MAST4: variants seen among roughly 807,000 people sequenced by gnomAD.
The protein encoded by MAST4 is microtubule associated serine/threonine kinase family member 4, also known as microtubule-associated serine/threonine-protein kinase 4.
A neutral mutation model predicts 162.7 loss-of-function variants in MAST4; 89 were observed. The ratio of observed to expected loss-of-function variants is 0.55; its 90% CI spans 0.46 to 0.65. The LOEUF (loss-of-function observed/expected upper bound fraction) is 0.65. MAST4 is among the 30% of genes least tolerant of loss of function. MAST4 has a pLI of 0.00. For synonymous variants in MAST4, 1,479 were observed against 1,361.1 expected, an observed-to-expected ratio of 1.09 and a Z score of -1.91; for missense variants, 3,153 against 3,374.0, an observed-to-expected ratio of 0.93 and a Z score of 1.62.
chr5:66,655,289 T>C (rs1746475403), intron 1 of MAST4, among the ~76,000 whole-genome samples: 1 of 152,154 alleles, frequency 6.6e-6, no homozygotes, highest in Non-Finnish European at 1.5e-5. Context: ...ATGAATAAGT[T>C]TAAGCATATT....
chr5:66,932,156 T>C (rs1742258625), intron 4 of MAST4, among the ~76,000 whole-genome samples: 1 of 152,118 alleles, frequency 6.6e-6, no homozygotes, highest in African/African-American at 2.4e-5. Flanking sequence ...TGAGGATGAG[T>C]AGGTAAAAAG....
intron 5 of MAST4, among the ~76,000 whole-genome samples, chr5:67,074,040 G>A (rs1761288435): frequency 6.6e-6 from 1 of 151,630 alleles, no homozygotes; most frequent in Non-Finnish European, 1.5e-5. Context: ...AATAACTTAG[G>A]ACATATCTAC....
intron 4 of MAST4, among the ~76,000 whole-genome samples, chr5:66,993,920 A>ACCCCCCCCCC (rs55759396): frequency 5.5e-4 from 32 of 57,718 alleles, no homozygotes; most frequent in Non-Finnish European, 7.5e-4. Context: ...TGTGCAGAAG[A>ACCCCCCCCCC]CCCCCCCCCC....
intron 14 of MAST4, among the ~76,000 whole-genome samples, chr5:67,129,185 GCC>G (rs1193096503): frequency 1.3e-5 from 2 of 152,138 alleles, no homozygotes; most frequent in African/African-American, 4.8e-5. Context: ...TCCATCGTTG[GCC>G]CGCTCTTATG....
chr5:66,855,162 G>T (rs1162756698), intron 3 of MAST4, among the ~76,000 whole-genome samples: 1 of 152,092 alleles, frequency 6.6e-6, no homozygotes, highest in Non-Finnish European at 1.5e-5. Context: ...TTGTGGGGTG[G>T]GATCCCTCAT....
At chr5:66,817,034 G>A (rs764941926) in intron 3 of MAST4, among the ~76,000 whole-genome samples, 10 of 151,952 alleles carry the variant, frequency 6.6e-5, no homozygotes, top group Non-Finnish European at 1.3e-4. Context: ...TCCCTTCCTC[G>A]GTGCTTCTGC....
chr5:66,862,041 C>A (rs73765343), intron 3 of MAST4, among the ~76,000 whole-genome samples: 1 of 152,128 alleles, frequency 6.6e-6, no homozygotes, highest in Non-Finnish European at 1.5e-5. Flanking sequence ...TCCTTTCCTG[C>A]GACCCTGGCC....
At chr5:66,683,696 T>G (rs1748468199) in intron 1 of MAST4, among the ~76,000 whole-genome samples, 1 of 152,156 alleles carries the variant, frequency 6.6e-6, no homozygotes. Flanking sequence ...TGTTAAGAAT[T>G]GTGTGCCCCC....
chr5:66,756,935 C>T (rs1405305406), intron 1 of MAST4, among the ~76,000 whole-genome samples: 2 of 152,256 alleles, frequency 1.3e-5, no homozygotes, highest in Admixed American at 1.3e-4. Flanking sequence ...ATAATACTCC[C>T]TTCTTGTGAT....
chr5:66,763,930 T>G (rs1456154468), intron 2 of MAST4, among the ~76,000 whole-genome samples: 1 of 152,214 alleles, frequency 6.6e-6, no homozygotes, highest in Non-Finnish European at 1.5e-5. Flanking sequence ...AGGAATTTTC[T>G]CAAATTGGAG....
Position 67,102,514 on chromosome 5 carries a change from GGGTAA to G in MAST4, c.1071-21_1071-17del. ...ATTTCATGCTGTGGCAAGTTTAAAA[GGGTAA>G]TTTGCTTTGCTTGCAGCCCTGGACG... On this transcript the variant is annotated splice_polypyrimidine_tract_variant and intron_variant, in intron 8 of 28. Coordinates refer to ENST00000403625, the MANE Select transcript of MAST4 (RefSeq NM_001164664.2). The G allele has an allele frequency of 6.2e-7, 1 of 1,610,150 alleles. No individual in the cohort carries two copies. The highest frequency in any genetic ancestry group is 8.5e-7 in the Non-Finnish European group (1 of 1,176,400).
rs917310390 is a variant in MAST4, at chr5:67,130,297, G to A, written c.1833G>A (p.Gln611=). The A allele has an allele frequency of 6.2e-7, 1 of 1,613,878 alleles. No individual in the cohort carries two copies. The highest frequency in any genetic ancestry group is 8.5e-7 in the Non-Finnish European group (1 of 1,179,834). ...AACAGAACCTCATCCTTCGAAACCAGATCCAGCAGGCCTTTGTGGAGCGGG... is the reference window on the plus strand; with the variant it reads ...AACAGAACCTCATCCTTCGAAACCAAATCCAGCAGGCCTTTGTGGAGCGGG... The part of the protein sequence containing the change: ...INKQNLILRN[Q]IQQAFVERDI... Residue 611 remains glutamine (Q), a synonymous_variant, in exon 15 of 29, where the codon CAG becomes CAA. Transcript: ENST00000403625.
chr5:67,040,419 T>G (rs929838959), intron 4 of MAST4, among the ~76,000 whole-genome samples: 5 of 152,142 alleles, frequency 3.3e-5, no homozygotes, highest in Admixed American at 6.6e-5. Flanking sequence ...TATGGATCTT[T>G]GAGAATACAC....
At chr5:66,857,984 T>A (rs1759811600) in intron 3 of MAST4, among the ~76,000 whole-genome samples, 1 of 151,900 alleles carries the variant, frequency 6.6e-6, no homozygotes, top group African/African-American at 2.4e-5. Flanking sequence ...TGAGATGGAG[T>A]CTCACTGTCT....
At chr5:66,814,035 G>A (rs889974380) in intron 3 of MAST4, among the ~76,000 whole-genome samples, 3 of 152,134 alleles carry the variant, frequency 2.0e-5, no homozygotes, top group East Asian at 3.9e-4. Flanking sequence ...TGATCCGGGG[G>A]ACCTGATCCG....
At chr5:67,060,425 A>AG (rs1759417518) in intron 5 of MAST4, among the ~76,000 whole-genome samples, 1 of 151,852 alleles carries the variant, frequency 6.6e-6, no homozygotes, top group Non-Finnish European at 1.5e-5. Flanking sequence ...GGGGTAGAAC[A>AG]GGGTAAGCAG....
chr5:67,028,607 T>G (rs1424702890), intron 4 of MAST4, among the ~76,000 whole-genome samples: 1 of 152,108 alleles, frequency 6.6e-6, no homozygotes, highest in Admixed American at 6.6e-5. Context: ...ACTGAGTGAT[T>G]AGAGTGAAGA....
chr5:66,799,683 G>A (rs914696114), intron 3 of MAST4, among the ~76,000 whole-genome samples: 1 of 152,186 alleles, frequency 6.6e-6, no homozygotes, highest in African/African-American at 2.4e-5. Context: ...ATTGTCCAGA[G>A]GGATCATGCT....
chr5:67,159,962 A>T (rs1581762273), intron 26 of MAST4, among the ~76,000 whole-genome samples: 1 of 152,366 alleles, frequency 6.6e-6, no homozygotes, highest in Non-Finnish European at 1.5e-5. Flanking sequence ...CAAAGGAAAA[A>T]CACAAAAAGG....
Sources: allele counts gnomAD v4.1 joint callset (sites outside exome capture counted in the v4.1 genomes callset), GRCh38; gene constraint gnomAD v4.1.1; transcripts MANE v1.5; gene names NCBI Gene and HGNC (gene_info 2026-07-23, HGNC 2026-07-21).